Variants in CSMD1 observed in about 807,000 individuals in gnomAD.
The protein encoded by CSMD1 is CUB and Sushi multiple domains 1.
Under a neutral mutation model 417.5 loss-of-function variants are expected in CSMD1, and 213 were observed. That is an observed-to-expected ratio of 0.51 (90% confidence interval 0.46 to 0.57). The LOEUF is 0.57. Among genes scored for constraint, CSMD1 ranks in the 20% least tolerant of loss-of-function variants. CSMD1 has a pLI of 0.00. For synonymous variants in CSMD1, 2,862 were observed against 1,736.8 expected (o/e 1.65, Z -16.11); for missense variants, 6,923 against 4,529.7 (o/e 1.53, Z -15.17).
At chr8:3,087,031 C>T (rs1027732922) in intron 49 of CSMD1, 66 bp downstream of exon 49, 3 of 1,368,886 alleles carry the variant, frequency 2.2e-6, no homozygotes, top group Non-Finnish European at 3.1e-6. Flanking sequence ...CATTTATTTT[C>T]AGAGAGTGAT....
At chr8:3,678,288 A>C (rs569061080) in intron 7 of CSMD1, among the ~76,000 whole-genome samples, 2 of 152,214 alleles carry the variant, frequency 1.3e-5, no homozygotes, top group African/African-American at 2.4e-5. Context: ...AAAAACTTTG[A>C]AAAATGATTA....
At chr8:4,694,549 G>C (rs1200751938) in intron 1 of CSMD1, among the ~76,000 whole-genome samples, 5 of 151,754 alleles carry the variant, frequency 3.3e-5, no homozygotes, top group South Asian at 2.1e-4. Context: ...ATTTTTAGTA[G>C]AGACGGGGTT....
At chr8:2,994,103 G>A (rs548428520) in intron 54 of CSMD1, among the ~76,000 whole-genome samples, 37 of 126,712 alleles carry the variant, frequency 2.9e-4, no homozygotes, top group African/African-American at 1.1e-3. Context: ...CTGAGATGGC[G>A]CCATTGCACT....
intron 2 of CSMD1, among the ~76,000 whole-genome samples, chr8:4,449,981 C>T (rs1393388663): frequency 1.3e-5 from 2 of 152,202 alleles, no homozygotes; most frequent in Admixed American, 1.3e-4. Flanking sequence ...TTCTGCCTTT[C>T]ACTGGCCCTG....
rs75423870 is a variant in CSMD1, at chr8:3,514,554, T to C, written c.1345-20828A>G. 3.9e-4 allele frequency among the ~76,000 whole-genome samples: 60 copies of C among 152,332 alleles called. 1 individual carries two copies. In the East Asian group the frequency reaches 0.011, roughly 28 times the overall value. On this transcript the variant is annotated intron_variant, in intron 10 of 69. Transcript: ENST00000635120. ...TAATGTTTCACAAATAAATAATATG[T>C]TATAGTTGGGGGAATATTCCTAAAT...
At chr8:3,926,601 AGTT>A (rs1359706664) in intron 5 of CSMD1, among the ~76,000 whole-genome samples, 1 of 151,764 alleles carries the variant, frequency 6.6e-6, no homozygotes, top group Non-Finnish European at 1.5e-5. Flanking sequence ...TAATTTTATC[AGTT>A]GTTTAAAATA....
chr8:3,524,639 A>T lies in CSMD1; in HGVS notation c.1345-30913T>A, dbSNP rs189922375. 9.4e-3 allele frequency among the ~76,000 whole-genome samples: 1,425 copies of T among 151,496 alleles called. 11 individuals are homozygous for T. The highest frequency in any genetic ancestry group is 0.03 in the South Asian group (143 of 4,760). On this transcript the variant is annotated intron_variant, in intron 10 of 69. Coordinates refer to ENST00000635120, the MANE Select transcript of CSMD1 (RefSeq NM_033225.6). ...CATACACACATGCACACCCAGAGAGACATGTGCACACACACAGACCCATGC... is the reference window on the plus strand; with the variant it reads ...CATACACACATGCACACCCAGAGAGTCATGTGCACACACACAGACCCATGC...
chr8:3,016,934 C>A (rs778280847), intron 52 of CSMD1, among the ~76,000 whole-genome samples: 3 of 152,150 alleles, frequency 2.0e-5, no homozygotes, highest in Non-Finnish European at 4.4e-5. Context: ...AAGAATAACA[C>A]AAGATAGATA....
At chr8:3,086,080 G>C (rs140827399) in intron 49 of CSMD1, among the ~76,000 whole-genome samples, 137 of 152,238 alleles carry the variant, frequency 9.0e-4, no homozygotes, top group African/African-American at 3.2e-3. Context: ...CTGAGCTGAA[G>C]TTGGGTCTCT....
chr8:4,395,236 GTTTATCTTCT>G (rs1804121371), intron 3 of CSMD1, among the ~76,000 whole-genome samples: 1 of 152,142 alleles, frequency 6.6e-6, no homozygotes, highest in Non-Finnish European at 1.5e-5. Flanking sequence ...CCTCCCAACT[GTTTATCTTCT>G]TTTATCTTCT....
At chr8:3,409,377 A>T in intron 13 of CSMD1, 46 bp downstream of exon 13, 3 of 1,478,918 alleles carry the variant, frequency 2.0e-6, no homozygotes, top group African/African-American at 1.4e-5. Flanking sequence ...CCCTTGCAAG[A>T]TCCTTGCAGG....
chr8:4,863,950 A>C (rs1031961183), intron 1 of CSMD1, among the ~76,000 whole-genome samples: 1 of 132,562 alleles, frequency 7.5e-6, no homozygotes, highest in South Asian at 2.4e-4. Flanking sequence ...TCCTAAAATA[A>C]ATGTCAAGAC....
intron 2 of CSMD1, among the ~76,000 whole-genome samples, chr8:4,635,812 A>G (rs556677957): frequency 2.0e-5 from 3 of 152,110 alleles, no homozygotes; most frequent in South Asian, 4.1e-4. Context: ...TTGTTCAAAT[A>G]CTAACACATA....
At chr8:4,424,763 T>C (rs1344708853) in intron 2 of CSMD1, among the ~76,000 whole-genome samples, 2 of 152,112 alleles carry the variant, frequency 1.3e-5, no homozygotes, top group African/African-American at 4.8e-5. Flanking sequence ...GTCCCTATCT[T>C]CACCATAATG....
intron 1 of CSMD1, among the ~76,000 whole-genome samples, chr8:4,936,832 A>G (rs1807652810): frequency 6.6e-6 from 1 of 152,272 alleles, no homozygotes; most frequent in African/African-American, 2.4e-5. Flanking sequence ...TTGCTGCTAA[A>G]TAAAAATAAT....
intron 2 of CSMD1, among the ~76,000 whole-genome samples, chr8:4,496,084 C>A (rs1340770439): frequency 6.6e-6 from 1 of 152,166 alleles, no homozygotes; most frequent in Non-Finnish European, 1.5e-5. Context: ...TGATGCCAAT[C>A]AAATTTTGGC....
chr8:3,867,852 G>C (rs1805210830), intron 5 of CSMD1, among the ~76,000 whole-genome samples: 1 of 152,050 alleles, frequency 6.6e-6, no homozygotes, highest in Non-Finnish European at 1.5e-5. Flanking sequence ...CAGGATTGAA[G>C]AAGCATGGAC....
intron 1 of CSMD1, among the ~76,000 whole-genome samples, chr8:4,775,555 G>A (rs985933815): frequency 1.3e-5 from 2 of 152,094 alleles, no homozygotes; most frequent in African/African-American, 4.8e-5. Context: ...TAACAAATAT[G>A]ATTTATTTAT....
intron 12 of CSMD1, among the ~76,000 whole-genome samples, chr8:3,452,177 A>C (rs1394501057): frequency 6.6e-6 from 1 of 152,186 alleles, no homozygotes; most frequent in Non-Finnish European, 1.5e-5. Context: ...GTATCCTGAG[A>C]CTTTGCTAAA....
Sources: gnomAD v4.1 joint callset for allele counts (sites outside exome capture counted in the v4.1 genomes callset) on GRCh38, gnomAD v4.1.1 for gene constraint, MANE v1.5 for transcripts, NCBI Gene and HGNC (gene_info 2026-07-23, HGNC 2026-07-21) for gene names.